Variants in ZCCHC24 observed in about 807,000 individuals in gnomAD.
The protein encoded by ZCCHC24 is zinc finger CCHC domain-containing protein 24.
In ZCCHC24, 10 loss-of-function variants were observed where a neutral mutation model predicts 26.2. That is an observed-to-expected ratio of 0.38 (90% CI 0.24 to 0.65). The LOEUF is 0.65. Among genes scored for constraint, ZCCHC24 ranks in the 30% least tolerant of loss-of-function variants. The pLI is 0.54. For missense variants in ZCCHC24, 243 were observed against 329.1 expected (o/e 0.74, Z 2.03); for synonymous variants, 144 against 147.1 (o/e 0.98, Z 0.15).
At chr10:79,416,887 C>A (rs984038037) in intron 2 of ZCCHC24, among the ~76,000 whole-genome samples, 2 of 152,076 alleles carry the variant, frequency 1.3e-5, no homozygotes, top group African/African-American at 4.8e-5. Context: ...GAGCAGTGCC[C>A]GGAACACAGT....
chr10:79,405,886 T>A (rs915829000), intron 2 of ZCCHC24, among the ~76,000 whole-genome samples: 5 of 152,226 alleles, frequency 3.3e-5, no homozygotes, highest in African/African-American at 1.2e-4. Context: ...GGCAGAGGCC[T>A]GGGGGCTGAG....
intron 1 of ZCCHC24, chr10:79,443,973 C>T: frequency 9.8e-6 from 12 of 1,228,702 alleles, no homozygotes; most frequent in Non-Finnish European, 1.2e-5. Flanking sequence ...CCATGCCTCC[C>T]CTAGTAAATA....
At chr10:79,430,155 T>C (rs182895180) in intron 2 of ZCCHC24, among the ~76,000 whole-genome samples, 142 of 152,306 alleles carry the variant, frequency 9.3e-4, no homozygotes, top group Non-Finnish European at 1.8e-3. Context: ...CTTCCATGCA[T>C]AGTTTCACTA....
At chr10:79,432,402 C>T (rs1857143675) in intron 2 of ZCCHC24, among the ~76,000 whole-genome samples, 156 bp downstream of exon 2, 2 of 152,214 alleles carry the variant, frequency 1.3e-5, no homozygotes, top group South Asian at 4.1e-4. Context: ...CTCAGAAATC[C>T]CAGCAGGGAC....
At chr10:79,422,173 C>G (rs1217061285) in intron 2 of ZCCHC24, among the ~76,000 whole-genome samples, 1 of 152,234 alleles carries the variant, frequency 6.6e-6, no homozygotes, top group Non-Finnish European at 1.5e-5. Context: ...CCCTATGCCA[C>G]TCAGCTCTGG....
chr10:79,385,940 G>A lies in ZCCHC24; in HGVS notation c.*405C>T, dbSNP rs1437457216. The A allele has an allele frequency of 4.8e-6, 2 of 417,284 alleles. No individual in the cohort carries two copies. Among genetic ancestry groups the A allele is most frequent in the Non-Finnish European group, 8.5e-6 (2 of 235,132 alleles). The allele number at this position is 417,284 out of a possible 1,614,324, so 25.8% of individuals were successfully genotyped here. Reference sequence around the variant, plus strand: ...GGAAGGTTCTGGGTGGGGGCAGGCGGCCTGGCTGGTCTGGGGAGGTTTGGG... The same window carrying A: ...GGAAGGTTCTGGGTGGGGGCAGGCGACCTGGCTGGTCTGGGGAGGTTTGGG... On this transcript the variant is annotated 3_prime_UTR_variant, in exon 4 of 4. Transcript: ENST00000372336. This position sits in a 1 kb window ranked among gnomAD's most constrained non-coding sequence, Gnocchi z 4.3.
chr10:79,404,136 A>G (rs1373107252), intron 2 of ZCCHC24, among the ~76,000 whole-genome samples: 1 of 152,158 alleles, frequency 6.6e-6, no homozygotes, highest in Non-Finnish European at 1.5e-5. Flanking sequence ...CGGGGCCCAC[A>G]GAGGCCAAGG....
chr10:79,386,484 CAGGGGAGTG>C (rs1564630659), intron 3 of ZCCHC24, 26 bp from the exon 4 acceptor site: 1 of 1,558,356 alleles, frequency 6.4e-7, no homozygotes, highest in Non-Finnish European at 8.8e-7. Context: ...GGAAGGGGCC[CAGGGGAGTG>C]AGGGGAGAGA....
At chr10:79,403,984 G>A (rs182169519) in intron 2 of ZCCHC24, among the ~76,000 whole-genome samples, 13 of 152,152 alleles carry the variant, frequency 8.5e-5, no homozygotes, top group Admixed American at 7.2e-4. Flanking sequence ...GTGAGGACAC[G>A]ATGTTGGGAA....
rs962499157 is a variant in ZCCHC24, at chr10:79,382,581, G to A, written c.*3764C>T. ...CGCATGGGGGCGGAGGAGGTCGGAC[G>A]GCAAGGTTGGCAACAGAGAAGGATA... On this transcript the variant is annotated 3_prime_UTR_variant, in exon 4 of 4. Transcript: ENST00000372336. The A allele has an allele frequency of 6.5e-6, 1 of 152,864 alleles. No homozygotes were observed. The highest frequency in any genetic ancestry group is 2.4e-5 in the African/African-American group (1 of 41,454). The allele number at this position is 152,864 out of a possible 1,614,324, so 9.5% of individuals were successfully genotyped here.
chr10:79,385,765 T>G lies in ZCCHC24; in HGVS notation c.*580A>C. On this transcript the variant is annotated 3_prime_UTR_variant, in exon 4 of 4. Coordinates refer to ENST00000372336, the MANE Select transcript of ZCCHC24 (RefSeq NM_153367.4). This position sits in a 1 kb window ranked among gnomAD's most constrained non-coding sequence, Gnocchi z 4.3. ...GCACACCCAGGTGCAATGCCAGTGA[T>G]GTCAGAGGGGGTCTGGATTTGGGGC... The G allele has an allele frequency of 5.9e-6, 1 of 168,688 alleles. No homozygotes were observed. The highest frequency in any genetic ancestry group is 1.3e-5 in the Non-Finnish European group (1 of 79,184). 10.4% of individuals were successfully genotyped at this position (168,688 alleles called of 1,614,324 possible). A position where few individuals can be genotyped will look rare whatever the true frequency, so the allele number is the denominator to read the frequency against.
intron 2 of ZCCHC24, among the ~76,000 whole-genome samples, chr10:79,429,086 T>C (rs1857090468): frequency 1.3e-5 from 2 of 152,200 alleles, no homozygotes; most frequent in Non-Finnish European, 2.9e-5. Context: ...TTACAAACTC[T>C]TCCAGAAAAT....
chr10:79,431,609 T>G (rs987453207), intron 2 of ZCCHC24, among the ~76,000 whole-genome samples: 4 of 152,158 alleles, frequency 2.6e-5, no homozygotes, highest in African/African-American at 9.7e-5. Context: ...GGTTTGGGAA[T>G]GTAATGAATG....
chr10:79,401,807 C>T (rs948862777), intron 2 of ZCCHC24, among the ~76,000 whole-genome samples: 1 of 152,242 alleles, frequency 6.6e-6, no homozygotes, highest in Non-Finnish European at 1.5e-5. Flanking sequence ...CTGAGAGGCT[C>T]TGGCTGGAGC....
chr10:79,407,592 A>G (rs999198688), intron 2 of ZCCHC24, among the ~76,000 whole-genome samples: 1 of 152,100 alleles, frequency 6.6e-6, no homozygotes, highest in African/African-American at 2.4e-5. Context: ...CTGGGGACCC[A>G]CCTAGGGAGC....
rs1054766629 is a variant in ZCCHC24 at position 79,383,050 on chromosome 10, T to G, written c.*3295A>C. 6.5e-6 allele frequency: 1 copy of G among 152,750 alleles called. No homozygotes were observed. Among genetic ancestry groups the G allele is most frequent in the Non-Finnish European group, 1.5e-5 (1 of 68,048 alleles). 9.5% of individuals were successfully genotyped at this position (152,750 alleles called of 1,614,324 possible). A position where few individuals can be genotyped will look rare whatever the true frequency, so the allele number is the denominator to read the frequency against. On this transcript the variant is annotated 3_prime_UTR_variant, in exon 4 of 4. Transcript: ENST00000372336. ...ATAAGAAGAAGAAGGTGCAAGAGAA[T>G]GGATTACAATGCTGTTTGTTATCCT...
chr10:79,428,096 T>A (rs1218287739), intron 2 of ZCCHC24, among the ~76,000 whole-genome samples: 2 of 152,206 alleles, frequency 1.3e-5, no homozygotes, highest in African/African-American at 4.8e-5. Context: ...GTATTCACAA[T>A]AACCAAAAGG....
At chr10:79,410,386 C>T (rs1856773710) in intron 2 of ZCCHC24, among the ~76,000 whole-genome samples, 1 of 152,232 alleles carries the variant, frequency 6.6e-6, no homozygotes. Flanking sequence ...TCAATAAATA[C>T]ACGATGACCA....
intron 2 of ZCCHC24, among the ~76,000 whole-genome samples, chr10:79,398,862 G>C (rs1856589555): frequency 6.6e-6 from 1 of 152,150 alleles, no homozygotes; most frequent in Non-Finnish European, 1.5e-5. Flanking sequence ...CCTATTAACA[G>C]ATGGTGAAAC....
Sources: gnomAD v4.1 joint callset for allele counts (sites outside exome capture counted in the v4.1 genomes callset) on GRCh38, gnomAD v4.1.1 for gene constraint, Gnocchi (gnomAD v3.1) non-coding constraint, MANE v1.5 for transcripts, NCBI Gene and HGNC (gene_info 2026-07-23, HGNC 2026-07-21) for gene names.